Variants in RRAGD observed in about 807,000 individuals in gnomAD.
RRAGD encodes ras-related GTP-binding protein D.
In RRAGD, 12 loss-of-function variants were observed where a neutral mutation model predicts 35.5. The ratio of observed to expected loss-of-function variants is 0.34; its 90% CI spans 0.22 to 0.55. The LOEUF is 0.55. RRAGD is among the 20% of genes least tolerant of loss of function. The pLI is 0.91. For missense variants in RRAGD, 324 were observed against 490.1 expected (o/e 0.66, Z 3.20); for synonymous variants, 155 against 178.9 (o/e 0.87, Z 1.07).
chr6:89,409,429 G>C (rs924450224), intron 1 of RRAGD, among the ~76,000 whole-genome samples: 5 of 152,236 alleles, frequency 3.3e-5, no homozygotes, highest in African/African-American at 1.2e-4. Flanking sequence ...GGGTTCATTA[G>C]AGAAATGCTT....
In RRAGD at chr6:89,368,317, A is replaced by T. The variant is rs946120265; in HGVS notation, c.1052-110T>A. On this transcript the variant is annotated intron_variant, in intron 6 of 6. Transcript: ENST00000369415. ...GTAGGGGGCAGTAGAGGATGGTCTTAGCGTAAGGACCAGAGATTTCCCTGG... is the reference window on the plus strand; with the variant it reads ...GTAGGGGGCAGTAGAGGATGGTCTTTGCGTAAGGACCAGAGATTTCCCTGG... 25 of 896,826 alleles carry T rather than the reference A, an allele frequency of 2.8e-5. No homozygotes were observed. In the African/African-American group the frequency reaches 4.0e-4, roughly 14 times the overall value. The allele number at this position is 896,826 out of a possible 1,614,324, so 55.6% of individuals were successfully genotyped here.
At chr6:89,403,641 T>C (rs1211087535) in intron 1 of RRAGD, among the ~76,000 whole-genome samples, 5 of 148,418 alleles carry the variant, frequency 3.4e-5, no homozygotes, top group Admixed American at 2.7e-4. Flanking sequence ...TTTTTTTTTT[T>C]TTTTTGAGAG....
At chr6:89,407,559 C>T (rs1232982028) in intron 1 of RRAGD, among the ~76,000 whole-genome samples, 4 of 152,198 alleles carry the variant, frequency 2.6e-5, no homozygotes, top group South Asian at 2.1e-4. Flanking sequence ...GGAGAATCAC[C>T]TGAACCCAGA....
At chr6:89,387,233 A>C in intron 2 of RRAGD, 62 bp downstream of exon 2, 2 of 1,520,984 alleles carry the variant, frequency 1.3e-6, no homozygotes, top group Admixed American at 2.0e-5. Context: ...CCAAACCAAA[A>C]ACATGGGGTG....
In RRAGD at chr6:89,368,690, G is replaced by A. The variant is rs561644183; in HGVS notation, c.1052-483C>T. On this transcript the variant is annotated intron_variant, in intron 6 of 6. Transcript: ENST00000369415. ...ATATTTAAACCATTCTCATAAGCCC[G>A]AGGGAAAGCGAAGCCCCTAATTTTA... Among the ~76,000 whole-genome samples the A allele has an allele frequency of 3.3e-5, 5 of 152,224 alleles. No individual in the cohort carries two copies. In the South Asian group the frequency reaches 1.0e-3, roughly 32 times the overall value.
intron 6 of RRAGD, 25 bp from the exon 7 acceptor site, chr6:89,368,232 A>G: frequency 6.2e-7 from 1 of 1,601,856 alleles, no homozygotes; most frequent in South Asian, 1.1e-5. Flanking sequence ...AAAAATATTT[A>G]TAAATGTCAC....
Position 89,411,838 on chromosome 6 carries a change from G to T in RRAGD, c.148+8C>A. The T allele has an allele frequency of 6.5e-7, 1 of 1,547,912 alleles. No individual in the cohort carries two copies. ...CGCGAGCCGAGGACGCGGGGGCCGG[G>T]CGCTCACCTCCCTCCTCTGTGCCGC... On this transcript the variant is annotated splice_region_variant and intron_variant, in intron 1 of 6. Transcript: ENST00000369415. This position sits in a 1 kb window ranked among gnomAD's most constrained non-coding sequence, Gnocchi z 5.6.
rs1263914070 is a variant in RRAGD, at chr6:89,390,858, C to T, written c.149-3268G>A. 3.3e-5 allele frequency among the ~76,000 whole-genome samples: 5 copies of T among 151,932 alleles called. 1 individual carries two copies. Among genetic ancestry groups the T allele is most frequent in the African/African-American group, 1.2e-4 (5 of 41,386 alleles). On this transcript the variant is annotated intron_variant, in intron 1 of 6. Coordinates refer to ENST00000369415, the MANE Select transcript of RRAGD (RefSeq NM_021244.5). Reference sequence around the variant, plus strand: ...AGTTGCAGTGAACTGAGATGGCGCCCCTGCACTCCAGCCTGGGCAACAGAG... The same window carrying T: ...AGTTGCAGTGAACTGAGATGGCGCCTCTGCACTCCAGCCTGGGCAACAGAG...
rs1242028537 is a variant in RRAGD, at chr6:89,365,330, C to G, written c.*2726G>C. 4 of 152,168 alleles carry G rather than the reference C, an allele frequency of 2.6e-5. No individual in the cohort carries two copies. The highest frequency in any genetic ancestry group is 1.5e-5 in the Non-Finnish European group (1 of 68,028). 9.4% of individuals were successfully genotyped at this position (152,168 alleles called of 1,614,324 possible). ...GCCCTGCTCCTTTTGAGGAAGGAAA[C>G]CTGCAAGGCAAGTTCTCAATCCCTA... On this transcript the variant is annotated 3_prime_UTR_variant, in exon 7 of 7. Transcript: ENST00000369415.
chr6:89,383,448 T>TC (rs772436140), intron 2 of RRAGD, among the ~76,000 whole-genome samples: 3 of 152,228 alleles, frequency 2.0e-5, no homozygotes, highest in Non-Finnish European at 4.4e-5. Flanking sequence ...AGGTGATTTT[T>TC]CCCATCGTTT....
intron 1 of RRAGD, among the ~76,000 whole-genome samples, chr6:89,390,920 C>G (rs1394207700): frequency 2.0e-5 from 3 of 151,932 alleles, no homozygotes; most frequent in Non-Finnish European, 4.4e-5. Context: ...AACATACAGT[C>G]ACCATATGAC....
At chr6:89,385,842 A>G (rs1302207899) in intron 2 of RRAGD, among the ~76,000 whole-genome samples, 5 of 152,106 alleles carry the variant, frequency 3.3e-5, no homozygotes, top group Non-Finnish European at 4.4e-5. Flanking sequence ...TTAGTTGAAA[A>G]TTTTGTTATT....
chr6:89,386,435 G>A (rs1480338552), intron 2 of RRAGD, among the ~76,000 whole-genome samples: 5 of 152,204 alleles, frequency 3.3e-5, no homozygotes, highest in Non-Finnish European at 1.5e-5. Flanking sequence ...TACAGGGAAT[G>A]ACTCGCGACT....
chr6:89,366,211 T>G lies in RRAGD; in HGVS notation c.*1845A>C, dbSNP rs1317326415. The G allele has an allele frequency of 2.0e-5, 3 of 152,196 alleles. No individual in the cohort carries two copies. The highest frequency in any genetic ancestry group is 4.4e-5 in the Non-Finnish European group (3 of 68,204). The allele number at this position is 152,196 out of a possible 1,614,324, so 9.4% of individuals were successfully genotyped here. On this transcript the variant is annotated 3_prime_UTR_variant, in exon 7 of 7. Transcript: ENST00000369415. ...ACTTGGGGAGAGGAAGGAGAGAGGT[T>G]GGAAAGAAGCCACAGAGAGAAGTGG...
intron 1 of RRAGD, among the ~76,000 whole-genome samples, chr6:89,397,285 A>G (rs1269088457): frequency 6.6e-6 from 1 of 152,218 alleles, no homozygotes; most frequent in Non-Finnish European, 1.5e-5. Context: ...CTGCTGGTAG[A>G]AATGTAAAAT....
chr6:89,411,606 T>C lies in RRAGD; in HGVS notation c.148+240A>G, dbSNP rs1769694803. ...CGCGCGCTCCTCCAGCCCAGACGCT[T>C]ACTCCCTCCTTCCCCTTTTCCACCG... On this transcript the variant is annotated intron_variant, in intron 1 of 6. Coordinates refer to ENST00000369415, the MANE Select transcript of RRAGD (RefSeq NM_021244.5). This position sits in a 1 kb window ranked among gnomAD's most constrained non-coding sequence, Gnocchi z 5.6. The C allele has an allele frequency of 1.8e-6, 1 of 547,820 alleles. No individual in the cohort carries two copies. Among genetic ancestry groups the C allele is most frequent in the African/African-American group, 2.0e-5 (1 of 49,658 alleles). 33.9% of individuals were successfully genotyped at this position (547,820 alleles called of 1,614,324 possible). A position where few individuals can be genotyped will look rare whatever the true frequency, so the allele number is the denominator to read the frequency against.
chr6:89,368,312 G>A, intron 6 of RRAGD, 105 bp from the exon 7 acceptor site: 1 of 972,728 alleles, frequency 1.0e-6, no homozygotes, highest in East Asian at 2.5e-5. Flanking sequence ...GTAGAGGATG[G>A]TCTTAGCGTA....
Position 89,400,730 on chromosome 6 carries a change from TG to T in RRAGD, c.148+11115del, listed in dbSNP as rs1311603020. 2.0e-5 allele frequency among the ~76,000 whole-genome samples: 3 copies of T among 152,234 alleles called. No individual in the cohort carries two copies. In the East Asian group the frequency reaches 5.8e-4, roughly 29 times the overall value. On this transcript the variant is annotated intron_variant, in intron 1 of 6. Transcript: ENST00000369415. ...AGCCTCTCAGCCTCCTGCAGAAGGCTGGGCTTTCTCCACCAACACCTCCCTA... is the reference window on the plus strand; with the variant it reads ...AGCCTCTCAGCCTCCTGCAGAAGGCTGGCTTTCTCCACCAACACCTCCCTA...
intron 1 of RRAGD, among the ~76,000 whole-genome samples, chr6:89,407,277 G>A (rs191280871): frequency 7.8e-4 from 119 of 152,242 alleles, no homozygotes; most frequent in Admixed American, 1.4e-3. Flanking sequence ...TCTGGCACAG[G>A]AGGGAGAACA....
Sources: gnomAD v4.1 joint callset for allele counts (sites outside exome capture counted in the v4.1 genomes callset) on GRCh38, gnomAD v4.1.1 for gene constraint, Gnocchi (gnomAD v3.1) non-coding constraint, MANE v1.5 for transcripts, NCBI Gene and HGNC (gene_info 2026-07-23, HGNC 2026-07-21) for gene names.